Variants in MACF1 observed in about 807,000 individuals in gnomAD.
MACF1 encodes microtubule-actin cross-linking factor 1.
A neutral mutation model predicts 854.8 loss-of-function variants in MACF1; 193 were observed. That is an observed-to-expected ratio of 0.23 (90% CI 0.20 to 0.25). The LOEUF (loss-of-function observed/expected upper bound fraction) is 0.25, where lower values mean the gene tolerates loss of function less well. Ranked by LOEUF, MACF1 falls within the 10% of genes least tolerant of loss-of-function variation. The pLI, the probability that MACF1 is intolerant of heterozygous loss-of-function variation, is 1.00. For missense variants in MACF1, 7,722 were observed against 8,929.1 expected (o/e 0.86, Z 5.45); for synonymous variants, 3,185 against 3,226.7 (o/e 0.99, Z 0.44).
At chr1:39,315,807 T>C (rs1170014597) in intron 27 of MACF1, 116 bp downstream of exon 27, 9 of 1,019,594 alleles carry the variant, frequency 8.8e-6, no homozygotes, top group Non-Finnish European at 1.1e-5. Flanking sequence ...GAAGAGCATA[T>C]ACTGATAATG....
At chr1:39,133,813 AGT>A (rs773936076) in intron 2 of MACF1, among the ~76,000 whole-genome samples, 2 of 152,084 alleles carry the variant, frequency 1.3e-5, no homozygotes, top group Non-Finnish European at 2.9e-5. Flanking sequence ...TTTTTTCTAG[AGT>A]TGCTTTTTCT....
chr1:39,219,657 G>T (rs906453950), intron 1 of MACF1, among the ~76,000 whole-genome samples: 2 of 152,168 alleles, frequency 1.3e-5, no homozygotes, highest in Admixed American at 6.5e-5. Context: ...ACATTAAGTG[G>T]TTCAAAATCC....
At chr1:39,085,674 AAAAAT>A (rs1278283479) in intron 2 of MACF1, among the ~76,000 whole-genome samples, 1 of 152,206 alleles carries the variant, frequency 6.6e-6, no homozygotes, top group African/African-American at 2.4e-5. Flanking sequence ...AAATACAATA[AAAAAT>A]AAAATAAAAT....
At chr1:39,230,934 G>T (rs1644770344) in intron 1 of MACF1, among the ~76,000 whole-genome samples, 1 of 152,190 alleles carries the variant, frequency 6.6e-6, no homozygotes, top group Non-Finnish European at 1.5e-5. Flanking sequence ...AAATTATTGT[G>T]CTAAGGAGAC....
At position 39,356,064 on chromosome 1, in the gene MACF1, C is replaced by T. The variant is rs76844311; in HGVS notation, c.11425-1311C>T. Reference sequence around the variant, plus strand: ...TCTGTAGTCCTTCTCTAAGTAGTGGCATAAACAGTATAGGTAGTAAGGAAC... The same window carrying T: ...TCTGTAGTCCTTCTCTAAGTAGTGGTATAAACAGTATAGGTAGTAAGGAAC... On this transcript the variant is annotated intron_variant, in intron 44 of 100. Coordinates refer to ENST00000564288, the MANE Select transcript of MACF1 (RefSeq NM_001394062.1). 1.4e-3 allele frequency among the ~76,000 whole-genome samples: 215 copies of T among 152,212 alleles called. 1 individual carries two copies. The highest frequency in any genetic ancestry group is 4.6e-3 in the African/African-American group (191 of 41,522).
intron 31 of MACF1, 76 bp downstream of exon 31, chr1:39,319,823 G>A (rs1454035801): frequency 7.7e-6 from 8 of 1,039,764 alleles, no homozygotes; most frequent in Non-Finnish European, 8.7e-6. Flanking sequence ...TGTAGGTTCT[G>A]TTTCTAGACA....
chr1:39,326,680 C>CAAAAAAAAAAAAA (rs57108021), intron 35 of MACF1, among the ~76,000 whole-genome samples: 1 of 72,750 alleles, frequency 1.4e-5, no homozygotes, highest in Non-Finnish European at 2.6e-5. Flanking sequence ...GACTCCATCT[C>CAAAAAAAAAAAAA]AAAAAAAAAA....
rs750480842 is a variant in MACF1 at position 39,334,752 on chromosome 1, G to A, written c.8164G>A (p.Ala2722Thr). 8 of 1,614,010 alleles carry A rather than the reference G, an allele frequency of 5.0e-6. No homozygotes were observed. The African/African-American group carries it at 8.0e-5, about 16-fold the overall frequency. ...GGATGAAAACATGGTCAGAATTATT[G>A]CATCTCATCAGGTGTTAAATGGAGG... ...LVDENMVRII[A>T]SHQVLNGGIV... Residue 2722 changes from alanine to threonine, a missense_variant, in exon 37 of 101, where the codon GCA (alanine) becomes ACA (threonine). Around this residue, in one of 15 missense-constraint regions of MACF1, gnomAD observed 1,531 missense variants for 1,601.6 expected, o/e 0.96. Coordinates refer to ENST00000564288, the MANE Select transcript of MACF1 (RefSeq NM_001394062.1).
At position 39,319,886 on chromosome 1, in the gene MACF1, AT is replaced by A. The variant is rs905041019; in HGVS notation, c.4029+140del. 14 of 598,340 alleles carry A rather than the reference AT, an allele frequency of 2.3e-5. No homozygotes were observed. The African/African-American group carries it at 2.7e-4, about 11-fold the overall frequency. 37.1% of individuals were successfully genotyped at this position (598,340 alleles called of 1,614,324 possible). A position where few individuals can be genotyped will look rare whatever the true frequency, so the allele number is the denominator to read the frequency against. ...CTGGCCTGATCCTTCAGTTAAGCAG[AT>A]GTGTATTTCCTGCAACCCCATGTTT... On this transcript the variant is annotated intron_variant, in intron 31 of 100. Transcript: ENST00000564288.
At chr1:39,416,828 A>G (rs1056845715) in intron 58 of MACF1, among the ~76,000 whole-genome samples, 6 of 152,268 alleles carry the variant, frequency 3.9e-5, no homozygotes, top group African/African-American at 1.2e-4. Context: ...GCAAATGCCT[A>G]TATCTGTGTA....
chr1:39,199,882 CA>C (rs1301788203), upstream of MACF1, among the ~76,000 whole-genome samples: 1 of 152,194 alleles, frequency 6.6e-6, no homozygotes, highest in Non-Finnish European at 1.5e-5. Flanking sequence ...ACTATGTCAT[CA>C]ATTTTTCCTT....
At chr1:39,232,760 T>TG (rs1232841417) in intron 2 of MACF1, among the ~76,000 whole-genome samples, 229 of 104,056 alleles carry the variant, frequency 2.2e-3, no homozygotes, top group African/African-American at 6.3e-3. Context: ...TTTTTTTTTT[T>TG]TTTTTTTTGT....
At chr1:39,120,425 C>A (rs549361574) in intron 2 of MACF1, among the ~76,000 whole-genome samples, 125 of 152,076 alleles carry the variant, frequency 8.2e-4, no homozygotes, top group African/African-American at 3.0e-3. Flanking sequence ...AGTGCAGTGG[C>A]GCTGTCTCTG....
intron 2 of MACF1, among the ~76,000 whole-genome samples, chr1:39,165,634 G>C (rs1231313313): frequency 1.3e-5 from 2 of 152,142 alleles, no homozygotes; most frequent in African/African-American, 4.8e-5. Flanking sequence ...TGTCATGTAG[G>C]CATTAGTATT....
At chr1:39,328,580 CTT>C (rs1326591817) in intron 36 of MACF1, 3 of 152,254 alleles carry the variant, frequency 2.0e-5, no homozygotes, top group East Asian at 3.9e-4. Flanking sequence ...GTTTGGGGTT[CTT>C]TTTTGCAAAA....
At chr1:39,261,344 A>G (rs1011237169) in intron 6 of MACF1, among the ~76,000 whole-genome samples, 1 of 152,206 alleles carries the variant, frequency 6.6e-6, no homozygotes, top group East Asian at 1.9e-4. Flanking sequence ...TGTAATTTAC[A>G]TACCATCAAA....
In MACF1 at chr1:39,368,239, A is replaced by G; in HGVS notation, c.12863A>G (p.Asp4288Gly). ...CTGAGCTCTTGTGGCTTTGCGCTGG[A>G]CTTGTGCCAGCATCAGGACAGGGTA... is the stretch of plus-strand genomic sequence containing the variant. Reference protein sequence around the residue: ...TELSSCGFALDLCQHQDRVQN... With the variant: ...TELSSCGFALGLCQHQDRVQN... The change falls in exon 50 of 101, where the codon GAC (aspartate) becomes GGC (glycine). Residue 4288 changes from aspartate (D) to glycine (G), a missense_variant. Asp to Gly is a moderately conservative substitution (Grantham distance 94). Around this residue, in one of 15 missense-constraint regions of MACF1, gnomAD observed 2,807 missense variants for 3,235.8 expected, o/e 0.87. Transcript: ENST00000564288. The G allele has an allele frequency of 6.2e-7, 1 of 1,614,080 alleles. No individual in the cohort carries two copies. The highest frequency in any genetic ancestry group is 8.5e-7 in the Non-Finnish European group (1 of 1,179,964).
rs573938299 is a variant in MACF1, at chr1:39,322,819, T to C, written c.4138-91T>C. The C allele has an allele frequency of 1.4e-5, 21 of 1,483,158 alleles. 1 individual carries two copies. Among genetic ancestry groups the C allele is most frequent in the African/African-American group, 1.1e-4 (8 of 72,358 alleles). 91.9% of individuals were successfully genotyped at this position (1,483,158 alleles called of 1,614,324 possible). A position where few individuals can be genotyped will look rare whatever the true frequency, so the allele number is the denominator to read the frequency against. ...TTAGGGCTCACTTTTCTGGTGAACATGTGACTGCATGAACATTTCCTCTTA... is the reference window on the plus strand; with the variant it reads ...TTAGGGCTCACTTTTCTGGTGAACACGTGACTGCATGAACATTTCCTCTTA... On this transcript the variant is annotated intron_variant, in intron 32 of 100. Transcript: ENST00000564288.
At chr1:39,182,844 A>C (rs1644122299) in intron 2 of MACF1, among the ~76,000 whole-genome samples, 1 of 152,244 alleles carries the variant, frequency 6.6e-6, no homozygotes, top group African/African-American at 2.4e-5. Flanking sequence ...GTATATATCC[A>C]AAAGAAATAT....
Sources: allele counts gnomAD v4.1 joint callset (sites outside exome capture counted in the v4.1 genomes callset), GRCh38; gene constraint gnomAD v4.1.1; regional missense constraint gnomAD v4.1.1; transcripts MANE v1.5; gene names NCBI Gene and HGNC (gene_info 2026-07-23, HGNC 2026-07-21).